MAGI1: variants seen among roughly 807,000 people sequenced by gnomAD.
MAGI1 encodes membrane-associated guanylate kinase, WW and PDZ domain-containing protein 1.
A neutral mutation model predicts 139.9 loss-of-function variants in MAGI1; 58 were observed. That is an observed-to-expected ratio of 0.41 (90% CI 0.34 to 0.52). MAGI1 has a LOEUF of 0.52. MAGI1 is among the 20% of genes least tolerant of loss of function. The pLI is 0.12. For missense variants in MAGI1, 1,874 were observed against 1,901.6 expected (o/e 0.99, Z 0.27); for synonymous variants, 812 against 737.9 (o/e 1.10, Z -1.63).
At chr3:65,499,770 T>A (rs1045522621) in intron 2 of MAGI1, among the ~76,000 whole-genome samples, 5 of 152,162 alleles carry the variant, frequency 3.3e-5, no homozygotes, top group Admixed American at 3.3e-4. Flanking sequence ...GTTTTACAAG[T>A]TTATGAGTTT....
intron 12 of MAGI1, among the ~76,000 whole-genome samples, chr3:65,412,900 C>G (rs969492759): frequency 1.1e-4 from 16 of 152,166 alleles, no homozygotes; most frequent in African/African-American, 3.9e-4. Context: ...CAGAGGGAAA[C>G]ACCAAACCCT....
At chr3:65,399,748 C>T (rs1055091718) in intron 13 of MAGI1, among the ~76,000 whole-genome samples, 2 of 152,178 alleles carry the variant, frequency 1.3e-5, no homozygotes. Context: ...TTGGTGAATG[C>T]AGGTTCAATA....
intron 12 of MAGI1, among the ~76,000 whole-genome samples, chr3:65,418,097 G>A (rs1366914121): frequency 6.6e-6 from 1 of 152,112 alleles, no homozygotes; most frequent in African/African-American, 2.4e-5. Flanking sequence ...AGGAGTTCCC[G>A]CAACAGATAA....
chr3:66,005,663 A>T (rs929479921), intron 1 of MAGI1, among the ~76,000 whole-genome samples: 25 of 152,128 alleles, frequency 1.6e-4, no homozygotes, highest in Non-Finnish European at 1.3e-4. Flanking sequence ...GAAGGGGGGA[A>T]ATCAAAGGGA....
chr3:65,773,609 T>C (rs1381027385), intron 1 of MAGI1, among the ~76,000 whole-genome samples: 1 of 152,182 alleles, frequency 6.6e-6, no homozygotes, highest in Non-Finnish European at 1.5e-5. Flanking sequence ...GGTCTATCCA[T>C]ATCACTCGGA....
At chr3:65,758,099 C>T (rs1174850810) in intron 1 of MAGI1, among the ~76,000 whole-genome samples, 2 of 152,176 alleles carry the variant, frequency 1.3e-5, no homozygotes, top group Non-Finnish European at 2.9e-5. Flanking sequence ...AAAACAACAA[C>T]AACACTCGCT....
chr3:65,628,410 A>G (rs751995084), intron 1 of MAGI1, among the ~76,000 whole-genome samples: 83 of 152,182 alleles, frequency 5.5e-4, no homozygotes, highest in Admixed American at 2.0e-3. Context: ...GTCCAGAGAA[A>G]ATCGGGTGTA....
intron 5 of MAGI1, among the ~76,000 whole-genome samples, chr3:65,467,092 C>G (rs764516696): frequency 1.3e-5 from 2 of 152,176 alleles, no homozygotes; most frequent in African/African-American, 2.4e-5. Flanking sequence ...AGAAAGGGAA[C>G]TCACCACCTA....
At chr3:65,427,055 T>C (rs1947094514) in intron 12 of MAGI1, among the ~76,000 whole-genome samples, 1 of 152,226 alleles carries the variant, frequency 6.6e-6, no homozygotes, top group Admixed American at 6.5e-5. Flanking sequence ...GGCTCATGCC[T>C]GTAATCCTAG....
chr3:65,844,449 T>C (rs1004523650), intron 1 of MAGI1: 8 of 336,206 alleles, frequency 2.4e-5, no homozygotes, highest in Admixed American at 8.1e-5. Flanking sequence ...AAGAATAAAT[T>C]TGGCATAAAA....
chr3:65,917,687 G>T (rs1309751604), intron 1 of MAGI1, among the ~76,000 whole-genome samples: 2 of 152,166 alleles, frequency 1.3e-5, no homozygotes, highest in African/African-American at 4.8e-5. Flanking sequence ...AAGCCAATGT[G>T]AAACGGCTAC....
chr3:65,800,316 A>G (rs1033752766), intron 1 of MAGI1, among the ~76,000 whole-genome samples: 1 of 152,228 alleles, frequency 6.6e-6, no homozygotes, highest in Non-Finnish European at 1.5e-5. Context: ...AGGAGCAAGC[A>G]AAGTTTTAGG....
At chr3:65,775,730 C>G (rs1430013325) in intron 1 of MAGI1, among the ~76,000 whole-genome samples, 3 of 151,658 alleles carry the variant, frequency 2.0e-5, no homozygotes, top group Non-Finnish European at 4.4e-5. Context: ...TGCTTGAGCC[C>G]CAGGAGTTCA....
intron 1 of MAGI1, among the ~76,000 whole-genome samples, chr3:65,853,207 C>T (rs909941572): frequency 6.6e-6 from 1 of 152,182 alleles, no homozygotes; most frequent in Admixed American, 6.5e-5. Context: ...TACTCTGGGA[C>T]ACATCAGCAG....
chr3:66,037,947 AC>A (rs2069034313), intron 1 of MAGI1, 48 bp downstream of exon 1: 1 of 1,517,196 alleles, frequency 6.6e-7, no homozygotes, highest in Non-Finnish European at 8.8e-7. Flanking sequence ...CAGCCCACAG[AC>A]CACCCTCCTT....
At chr3:65,659,421 G>A (rs1257264155) in intron 1 of MAGI1, among the ~76,000 whole-genome samples, 1 of 152,104 alleles carries the variant, frequency 6.6e-6, no homozygotes, top group African/African-American at 2.4e-5. Context: ...TTTGACCTAG[G>A]TTTCACCTAG....
At chr3:66,002,817 A>G (rs1387457975) in intron 1 of MAGI1, among the ~76,000 whole-genome samples, 4 of 152,194 alleles carry the variant, frequency 2.6e-5, no homozygotes, top group East Asian at 3.9e-4. Context: ...CACCTGGCCT[A>G]TTTTTCAAAA....
rs1246047982 is a variant in MAGI1, at chr3:65,530,696, TATACAC to T, written c.431-37071_431-37066del. On this transcript the variant is annotated intron_variant, in intron 2 of 22. Coordinates refer to ENST00000402939, the MANE Select transcript of MAGI1 (RefSeq NM_001033057.2). Reference sequence around the variant, plus strand: ...ATACATATATATATACGTGTATATATATACACATATACACGTGTATATATATACACA... The same window carrying T: ...ATACATATATATATACGTGTATATATATATACACGTGTATATATATACACA... Among the ~76,000 whole-genome samples the T allele has an allele frequency of 8.5e-5, 12 of 141,504 alleles. No homozygotes were observed. In the East Asian group the frequency reaches 1.9e-3, roughly 22 times the overall value. 92.8% of individuals were successfully genotyped at this position (141,504 alleles called of 152,430 possible).
intron 1 of MAGI1, among the ~76,000 whole-genome samples, chr3:65,886,306 A>C (rs1433060282): frequency 1.3e-5 from 2 of 152,228 alleles, no homozygotes; most frequent in African/African-American, 4.8e-5. Context: ...TGAGGACAAG[A>C]AAATATTCTA....
Sources: allele counts gnomAD v4.1 joint callset (sites outside exome capture counted in the v4.1 genomes callset), GRCh38; gene constraint gnomAD v4.1.1; transcripts MANE v1.5; gene names NCBI Gene and HGNC (gene_info 2026-07-23, HGNC 2026-07-21).